RIC8B: variants seen among roughly 807,000 people sequenced by gnomAD.
The protein encoded by RIC8B is RIC8 guanine nucleotide exchange factor B, also known as chaperone Ric-8B.
A neutral mutation model predicts 57.5 loss-of-function variants in RIC8B; 16 were observed. The observed-to-expected ratio is 0.28, with a 90% CI of 0.19 to 0.42. RIC8B has a LOEUF of 0.42. RIC8B is among the 10% of genes least tolerant of loss of function. RIC8B has a pLI of 1.00. For missense variants in RIC8B, 481 were observed against 677.0 expected, an observed-to-expected ratio of 0.71 and a Z score of 3.21; for synonymous variants, 216 against 250.8, an observed-to-expected ratio of 0.86 and a Z score of 1.31.
intron 4 of RIC8B, among the ~76,000 whole-genome samples, chr12:106,829,770 A>G (rs1008265588): frequency 1.3e-5 from 2 of 152,142 alleles, no homozygotes; most frequent in African/African-American, 2.4e-5. Flanking sequence ...CATCTTCTCC[A>G]CTGCACACAG....
chr12:106,805,751 C>CT (rs934335620), intron 2 of RIC8B, among the ~76,000 whole-genome samples: 24 of 152,004 alleles, frequency 1.6e-4, no homozygotes, highest in Admixed American at 1.2e-3. Flanking sequence ...ATTCCAGACT[C>CT]TTCATTCTTC....
In RIC8B at chr12:106,887,350, C is replaced by A. The variant is rs1951224747; in HGVS notation, c.*1335C>A. 1 of 152,474 alleles carries A rather than the reference C, an allele frequency of 6.6e-6. No homozygotes were observed. The highest frequency in any genetic ancestry group is 2.1e-4 in the South Asian group (1 of 4,830). The allele number at this position is 152,474 out of a possible 1,614,324, so 9.4% of individuals were successfully genotyped here. ...AAACAATACTATTTCACAGTTTATG[C>A]TTTTTTAAAGTGCTTTTACATCCAT... On this transcript the variant is annotated 3_prime_UTR_variant, in exon 10 of 10. Coordinates refer to ENST00000392837, the MANE Select transcript of RIC8B (RefSeq NM_001330145.2).
Position 106,815,035 on chromosome 12 carries a change from A to G in RIC8B, c.472A>G (p.Asn158Asp). Reference protein sequence around the residue: ...LRKCKDRKFINDIKCFDLRLL... With the variant: ...LRKCKDRKFIDDIKCFDLRLL... ...AAAGTGCAAGGACCGGAAATTTATC[A>G]ATGACATTAAGTGCTTTGACTTGCG... The change falls in exon 3 of 10, where the codon AAT becomes GAT. Residue 158 changes from asparagine (N) to aspartate (D), a missense_variant. Coordinates refer to ENST00000392837, the MANE Select transcript of RIC8B (RefSeq NM_001330145.2). 6.2e-7 allele frequency: 1 copy of G among 1,614,230 alleles called. No individual in the cohort carries two copies. The highest frequency in any genetic ancestry group is 2.2e-5 in the East Asian group (1 of 44,884).
intron 2 of RIC8B, among the ~76,000 whole-genome samples, chr12:106,806,601 G>T (rs2045035915): frequency 6.6e-6 from 1 of 152,124 alleles, no homozygotes; most frequent in Admixed American, 6.5e-5. Flanking sequence ...GGAGGCTGAG[G>T]TGGGTGGATC....
rs139875322 is a variant in RIC8B at position 106,842,770 on chromosome 12, G to C, written c.1018G>C (p.Glu340Gln). 4.3e-6 allele frequency: 7 copies of C among 1,613,210 alleles called. No individual in the cohort carries two copies. The highest frequency in any genetic ancestry group is 3.3e-5 in the Admixed American group (2 of 59,994). ...CATGGTATACAATGGTATGAATATG[G>C]AGGCCATTCATGTTTTACTGAATTT... The part of the protein sequence containing the change: ...NTMVYNGMNM[E>Q]AIHVLLNFME... The change falls in exon 5 of 10, where the codon GAG becomes CAG. Residue 340 changes from glutamate to glutamine, a missense_variant. Coordinates refer to ENST00000392837, the MANE Select transcript of RIC8B (RefSeq NM_001330145.2).
chr12:106,884,167 C>T (rs1312860218), intron 9 of RIC8B, among the ~76,000 whole-genome samples: 1 of 152,252 alleles, frequency 6.6e-6, no homozygotes, highest in Non-Finnish European at 1.5e-5. Flanking sequence ...TGCTTCATCT[C>T]AGGAGCTGCC....
chr12:106,804,656 C>G (rs2044922257), intron 2 of RIC8B, among the ~76,000 whole-genome samples: 1 of 152,186 alleles, frequency 6.6e-6, no homozygotes, highest in Non-Finnish European at 1.5e-5. Flanking sequence ...AGATGTCATA[C>G]TTAGTATGTA....
chr12:106,778,431 T>G (rs923140108), intron 1 of RIC8B, among the ~76,000 whole-genome samples: 3 of 152,184 alleles, frequency 2.0e-5, no homozygotes, highest in African/African-American at 7.2e-5. Flanking sequence ...AGGCAAGTTT[T>G]TTTGTTTGTT....
chr12:106,852,680 C>T (rs2136472593), intron 7 of RIC8B, among the ~76,000 whole-genome samples: 1 of 152,324 alleles, frequency 6.6e-6, no homozygotes, highest in Non-Finnish European at 1.5e-5. Flanking sequence ...ACATGTCACA[C>T]AGTTGCTGAG....
chr12:106,801,158 G>A (rs1490656998), intron 2 of RIC8B, among the ~76,000 whole-genome samples: 1 of 152,218 alleles, frequency 6.6e-6, no homozygotes, highest in Non-Finnish European at 1.5e-5. Context: ...GAGTTGGCTG[G>A]TACTGTGTTT....
intron 1 of RIC8B, among the ~76,000 whole-genome samples, chr12:106,783,250 A>G (rs1015814561): frequency 6.6e-6 from 1 of 152,114 alleles, no homozygotes; most frequent in African/African-American, 2.4e-5. Context: ...TGTGCTTTAT[A>G]TACATGCCTT....
At chr12:106,873,126 A>G (rs1247696400) in intron 9 of RIC8B, 3 of 985,308 alleles carry the variant, frequency 3.0e-6, no homozygotes, top group Non-Finnish European at 3.6e-6. Context: ...CTATGCCTCA[A>G]AGAAGATGCC....
intron 2 of RIC8B, among the ~76,000 whole-genome samples, chr12:106,799,922 C>T (rs995928421): frequency 6.6e-6 from 1 of 152,112 alleles, no homozygotes; most frequent in African/African-American, 2.4e-5. Flanking sequence ...AAATTTATTT[C>T]TCCCAGTTCT....
intron 2 of RIC8B, among the ~76,000 whole-genome samples, chr12:106,810,531 A>G (rs1466442025): frequency 6.6e-6 from 1 of 152,154 alleles, no homozygotes; most frequent in Non-Finnish European, 1.5e-5. Flanking sequence ...GAAAAGAAGA[A>G]TGTTGAGGGC....
intron 1 of RIC8B, chr12:106,775,483 G>T: frequency 5.1e-6 from 2 of 390,556 alleles, no homozygotes; most frequent in Non-Finnish European, 1.0e-5. Context: ...CGCATTAACA[G>T]CTTTCCTATC....
chr12:106,854,814 G>A (rs1302742435), intron 7 of RIC8B, among the ~76,000 whole-genome samples: 1 of 151,976 alleles, frequency 6.6e-6, no homozygotes, highest in Non-Finnish European at 1.5e-5. Context: ...AGAGGTAAGA[G>A]AGAAAGGACA....
intron 8 of RIC8B, among the ~76,000 whole-genome samples, chr12:106,864,972 G>A (rs992231478): frequency 6.6e-6 from 1 of 151,966 alleles, no homozygotes; most frequent in Admixed American, 6.6e-5. Context: ...ATTCGTTCAT[G>A]TTGTGGCACA....
At chr12:106,860,055 G>A (rs573576564) in intron 7 of RIC8B, among the ~76,000 whole-genome samples, 2 of 152,234 alleles carry the variant, frequency 1.3e-5, no homozygotes, top group East Asian at 3.9e-4. Context: ...CTCTGCTTTA[G>A]TTTCTGGTAC....
intron 4 of RIC8B, among the ~76,000 whole-genome samples, chr12:106,829,350 A>G (rs2046252879): frequency 6.6e-6 from 1 of 152,182 alleles, no homozygotes; most frequent in East Asian, 1.9e-4. Flanking sequence ...TATTTTGGAG[A>G]GAAGGGAAGA....
Sources: gnomAD v4.1 joint callset for allele counts (sites outside exome capture counted in the v4.1 genomes callset) on GRCh38, gnomAD v4.1.1 for gene constraint, MANE v1.5 for transcripts, NCBI Gene and HGNC (gene_info 2026-07-23, HGNC 2026-07-21) for gene names.